The following KMT2C variants were observed in gnomAD, a reference collection of about 807,000 sequenced individuals.
KMT2C encodes the protein histone-lysine N-methyltransferase 2C.
Under a neutral mutation model 507.9 loss-of-function variants are expected in KMT2C, and 88 were observed. That is an observed-to-expected ratio of 0.17 (90% CI 0.15 to 0.21). KMT2C has a LOEUF of 0.21. KMT2C is among the 10% of genes least tolerant of loss of function. The pLI, the probability that KMT2C is intolerant of heterozygous loss-of-function variation, is 1.00. For synonymous variants in KMT2C, 2,049 were observed against 2,080.8 expected (o/e 0.98, Z 0.42); for missense variants, 4,954 against 5,957.8 (o/e 0.83, Z 5.55).
intron 43 of KMT2C, 117 bp downstream of exon 43, chr7:152,162,000 T>C: frequency 8.4e-7 from 1 of 1,183,470 alleles, no homozygotes; most frequent in Non-Finnish European, 1.1e-6. Flanking sequence ...TAAAAAATGG[T>C]CCTTTAGAAT....
intron 1 of KMT2C, among the ~76,000 whole-genome samples, chr7:152,360,072 GT>G (rs1408375673): frequency 1.5e-4 from 9 of 59,364 alleles, no homozygotes; most frequent in Admixed American, 2.7e-4. Context: ...AAAAAGGGGG[GT>G]GGGGGGGGGG....
At chr7:152,354,510 CCTAT>C (rs2097137614) in intron 2 of KMT2C, among the ~76,000 whole-genome samples, 2 of 152,094 alleles carry the variant, frequency 1.3e-5, no homozygotes, top group Admixed American at 1.3e-4. Flanking sequence ...AATTAAATGT[CCTAT>C]CTGTTACGTA....
chr7:152,351,765 A>C (rs2097112687), intron 2 of KMT2C, among the ~76,000 whole-genome samples: 1 of 152,176 alleles, frequency 6.6e-6, no homozygotes, highest in Admixed American at 6.5e-5. Context: ...GGCACTTATC[A>C]CTTCCCCAAT....
chr7:152,354,006 T>C (rs2097133674), intron 2 of KMT2C, among the ~76,000 whole-genome samples: 1 of 152,198 alleles, frequency 6.6e-6, no homozygotes, highest in South Asian at 2.1e-4. Context: ...ATAACAGTTA[T>C]TCTTTCTTTC....
At chr7:152,149,750 A>T (rs559555878) in intron 51 of KMT2C, among the ~76,000 whole-genome samples, 1 of 152,328 alleles carries the variant, frequency 6.6e-6, no homozygotes, top group South Asian at 2.1e-4. Flanking sequence ...GCTGAGGGGA[A>T]ATCTCCAATA....
intron 6 of KMT2C, among the ~76,000 whole-genome samples, chr7:152,297,059 G>GAAAGAAAGAAAGAAAGAAAGAC (rs1563767704): frequency 3.7e-4 from 24 of 64,428 alleles, no homozygotes; most frequent in East Asian, 8.4e-4. Flanking sequence ...GAAAGACAGA[G>GAAAGAAAGAAAGAAAGAAAGAC]AGAGAGAGAG....
At chr7:152,195,494 A>G (rs1315501204) in intron 28 of KMT2C, 1 of 973,666 alleles carries the variant, frequency 1.0e-6, no homozygotes, top group African/African-American at 1.8e-5. Context: ...ACTTCTAGTC[A>G]GCCGTCATCC....
intron 1 of KMT2C, among the ~76,000 whole-genome samples, chr7:152,383,884 T>C (rs1217888841): frequency 1.3e-5 from 2 of 151,362 alleles, no homozygotes; most frequent in African/African-American, 4.9e-5. Flanking sequence ...CCTATTACTA[T>C]GACGTGAAGA....
At chr7:152,385,544 G>A (rs1323566526) in intron 1 of KMT2C, among the ~76,000 whole-genome samples, 3 of 111,278 alleles carry the variant, frequency 2.7e-5, no homozygotes, top group East Asian at 4.9e-4. Flanking sequence ...CCCGGGAGGC[G>A]GAGCTTGCAG....
intron 2 of KMT2C, among the ~76,000 whole-genome samples, chr7:152,352,355 C>CTGGTCCTG (rs1159542084): frequency 3.3e-5 from 5 of 152,202 alleles, no homozygotes; most frequent in African/African-American, 7.2e-5. Flanking sequence ...TAATTTCGCC[C>CTGGTCCTG]TGGTCCTGTG....
At chr7:152,155,870 G>A (rs1027502351) in intron 46 of KMT2C, 40 bp downstream of exon 46, 2 of 1,548,744 alleles carry the variant, frequency 1.3e-6, no homozygotes, top group Admixed American at 4.5e-5. Context: ...TTTAAAAGAA[G>A]AAATAACTAA....
rs764946605 is a variant in KMT2C, at chr7:152,162,983, C to A, written c.10594G>T (p.Val3532Leu). The change falls in exon 43 of 59, where the codon GTG (valine) becomes TTG (leucine). Residue 3532 changes from valine to leucine, a missense_variant. Around this residue, in one of 29 missense-constraint regions of KMT2C, gnomAD observed 801 missense variants for 751.2 expected, o/e 1.07. Coordinates refer to ENST00000262189, the MANE Select transcript of KMT2C (RefSeq NM_170606.3). ...GAAAGATTTCCATGTCCCTGCTTCA[C>A]AGAAGAAAAATTTGGGCTTCCAACA... The part of the protein sequence containing the change: ...IPVGSPNFSS[V>L]KQGHGNLSGT... The A allele has an allele frequency of 5.6e-6, 9 of 1,614,138 alleles. No homozygotes were observed. Among genetic ancestry groups the A allele is most frequent in the African/African-American group, 1.3e-5 (1 of 75,020 alleles).
Position 152,146,211 on chromosome 7 carries a change from A to C in KMT2C, c.14031+388T>G, listed in dbSNP as rs374861036. On this transcript the variant is annotated intron_variant, in intron 53 of 58. Coordinates refer to ENST00000262189, the MANE Select transcript of KMT2C (RefSeq NM_170606.3). ...AGTGACTTCATCCTAGGAAGAGGGC[A>C]GGAGAGTGGCCATAAATACCCAAGT... Among the ~76,000 whole-genome samples, 10 of 152,334 alleles carry C rather than the reference A, an allele frequency of 6.6e-5. No homozygotes were observed. In the East Asian group the frequency reaches 9.6e-4, roughly 15 times the overall value.
chr7:152,432,932 A>G (rs2097877292), intron 1 of KMT2C, among the ~76,000 whole-genome samples: 1 of 151,326 alleles, frequency 6.6e-6, no homozygotes, highest in Non-Finnish European at 1.5e-5. Context: ...GGATTACCTG[A>G]GGTCGGGGGT....
intron 6 of KMT2C, among the ~76,000 whole-genome samples, chr7:152,302,136 A>G (rs1233654031): frequency 6.6e-6 from 1 of 152,238 alleles, no homozygotes; most frequent in African/African-American, 2.4e-5. Context: ...AAATTTCAAT[A>G]TAGAATTACA....
At chr7:152,151,625 A>C in intron 49 of KMT2C, 44 bp from the exon 50 acceptor site, 1 of 1,575,912 alleles carries the variant, frequency 6.3e-7, no homozygotes, top group Non-Finnish European at 8.7e-7. Context: ...CTGACTGATG[A>C]CACAAGGTGG....
chr7:152,227,977 G>A (rs564325614), intron 18 of KMT2C, among the ~76,000 whole-genome samples: 1 of 152,338 alleles, frequency 6.6e-6, no homozygotes, highest in African/African-American at 2.4e-5. Context: ...TAGGACCGCA[G>A]CTACCAAAAT....
Position 152,148,872 on chromosome 7 carries a change from C to A in KMT2C, c.13055G>T (p.Trp4352Leu), listed in dbSNP as rs558611871. The A allele has an allele frequency of 6.2e-7, 1 of 1,614,176 alleles. No homozygotes were observed. The highest frequency in any genetic ancestry group is 1.7e-5 in the Admixed American group (1 of 60,026). Residue 4352 changes from tryptophan to leucine, a missense_variant, in exon 52 of 59, where the codon TGG (tryptophan) becomes TTG (leucine). Trp to Leu is a moderately conservative substitution (Grantham distance 61, BLOSUM62 -2). Transcript: ENST00000262189. The surrounding 1 kb of genome is among the most constrained non-coding windows in gnomAD (Gnocchi z 7.1). ...CCACTTCTTCCATTTCATTCCTCTC[C>A]ATTTTTTATTGAGCGGCCTGCAATC... ...FEDCRPLNKK[W>L]RGMKWKKWSI...
In KMT2C at chr7:152,311,828, T is replaced by C. The variant is rs587778510; in HGVS notation, c.709A>G (p.Ile237Val). Residue 237 changes from isoleucine (I) to valine (V), a missense_variant, in exon 5 of 59, where the codon ATT becomes GTT. This residue lies in a region of KMT2C where 233 missense variants were observed against 263.6 expected (regional missense o/e 0.88). Coordinates refer to ENST00000262189, the MANE Select transcript of KMT2C (RefSeq NM_170606.3). ...GAATCAAATAAGGCTTGGATATCAA[T>C]GGCATCTGGAAGCCCAACCAGACTG... ...ELSLVGLPDA[I>V]DIQALFDSTG... 7.0e-5 allele frequency: 113 copies of C among 1,611,066 alleles called. No individual in the cohort carries two copies. The highest frequency in any genetic ancestry group is 9.5e-5 in the Non-Finnish European group (112 of 1,177,868).
Sources: gnomAD v4.1 joint callset for allele counts (sites outside exome capture counted in the v4.1 genomes callset) on GRCh38, gnomAD v4.1.1 for gene constraint, gnomAD v4.1.1 regional missense constraint, Gnocchi (gnomAD v3.1) non-coding constraint, MANE v1.5 for transcripts, NCBI Gene and HGNC (gene_info 2026-07-23, HGNC 2026-07-21) for gene names.